CAMTA1: variants seen among roughly 807,000 people sequenced by gnomAD.
CAMTA1 encodes the protein calmodulin-binding transcription activator 1.
In CAMTA1, 27 loss-of-function variants were observed where a neutral mutation model predicts 170.9. The observed-to-expected ratio is 0.16, with a 90% CI of 0.12 to 0.22. The LOEUF is 0.22. Ranked by LOEUF, CAMTA1 falls within the 10% of genes least tolerant of loss-of-function variation. CAMTA1 has a pLI of 1.00. For synonymous variants in CAMTA1, 833 were observed against 891.5 expected (o/e 0.93, Z 1.17); for missense variants, 1,619 against 2,217.2 (o/e 0.73, Z 5.42).
intron 4 of CAMTA1, among the ~76,000 whole-genome samples, chr1:7,175,590 T>C (rs1385823409): frequency 6.6e-6 from 1 of 152,256 alleles, no homozygotes; most frequent in African/African-American, 2.4e-5. Context: ...CGTGGGGGGC[T>C]GCAGGCTGGG....
chr1:6,834,241 T>A (rs1293178464), intron 3 of CAMTA1: 3 of 151,004 alleles, frequency 2.0e-5, no homozygotes, highest in African/African-American at 7.3e-5. Context: ...TTTATAAATT[T>A]AAAAATTTAT....
intron 3 of CAMTA1, among the ~76,000 whole-genome samples, chr1:6,850,355 G>A (rs1239499332): frequency 4.6e-5 from 7 of 152,136 alleles, no homozygotes; most frequent in Non-Finnish European, 8.8e-5. Flanking sequence ...ATATCTAAAT[G>A]ATCTATCAAA....
chr1:7,362,047 G>A (rs1028920231), intron 5 of CAMTA1, among the ~76,000 whole-genome samples: 2 of 152,202 alleles, frequency 1.3e-5, no homozygotes, highest in African/African-American at 4.8e-5. Context: ...CTCTATACTT[G>A]GACAGGGCCA....
intron 5 of CAMTA1, among the ~76,000 whole-genome samples, chr1:7,403,123 TG>T (rs202051514): frequency 6.6e-6 from 1 of 151,892 alleles, no homozygotes; most frequent in Non-Finnish European, 1.5e-5. Context: ...GAGGCCTAGG[TG>T]GGGGGATCAG....
chr1:6,799,125 G>T (rs1386099170), intron 1 of CAMTA1, among the ~76,000 whole-genome samples: 1 of 152,024 alleles, frequency 6.6e-6, no homozygotes. Flanking sequence ...ACCCAGGCTA[G>T]AGTGCCATCA....
At chr1:6,979,431 A>G (rs1694046066) in intron 3 of CAMTA1, among the ~76,000 whole-genome samples, 2 of 152,234 alleles carry the variant, frequency 1.3e-5, no homozygotes, top group African/African-American at 4.8e-5. Flanking sequence ...AACCGTGTGC[A>G]TATGGGGAGG....
At chr1:6,828,327 C>G (rs1355051909) in intron 3 of CAMTA1, among the ~76,000 whole-genome samples, 1 of 119,128 alleles carries the variant, frequency 8.4e-6, no homozygotes, top group East Asian at 2.7e-4. Context: ...GAGTCTCACT[C>G]TTTCACCAGG....
intron 4 of CAMTA1, among the ~76,000 whole-genome samples, chr1:7,142,601 A>G (rs1645952143): frequency 6.6e-6 from 1 of 152,184 alleles, no homozygotes; most frequent in Non-Finnish European, 1.5e-5. Flanking sequence ...GTAATGAGTG[A>G]GTTCTTGCTC....
chr1:7,209,213 T>G (rs1658317621), intron 4 of CAMTA1, among the ~76,000 whole-genome samples: 1 of 152,206 alleles, frequency 6.6e-6, no homozygotes, highest in Admixed American at 6.5e-5. Flanking sequence ...GATTAAGTTT[T>G]TCAACCTGCC....
chr1:7,568,574 CCAT>C (rs1163319149), intron 6 of CAMTA1, among the ~76,000 whole-genome samples: 1 of 150,674 alleles, frequency 6.6e-6, no homozygotes, highest in Non-Finnish European at 1.5e-5. Context: ...CCACCGACAA[CCAT>C]CATCAACATC....
At position 7,455,584 on chromosome 1, in the gene CAMTA1, C is replaced by G. The variant is rs2092931092; in HGVS notation, c.439-12246C>G. 6.6e-6 allele frequency among the ~76,000 whole-genome samples: 1 copy of G among 152,210 alleles called. No homozygotes were observed. Among genetic ancestry groups the G allele is most frequent in the Admixed American group, 6.5e-5 (1 of 15,282 alleles). On this transcript the variant is annotated intron_variant, in intron 5 of 22. Transcript: ENST00000303635. The surrounding 1 kb of genome is among the most constrained non-coding windows in gnomAD (Gnocchi z 5.0). ...GCAAAACCCTGTTGTCCGTTTTAAGCAAGAATCCCTGCCCAGACTCCCTGG... is the reference window on the plus strand; with the variant it reads ...GCAAAACCCTGTTGTCCGTTTTAAGGAAGAATCCCTGCCCAGACTCCCTGG...
intron 6 of CAMTA1, among the ~76,000 whole-genome samples, chr1:7,488,256 G>A (rs570016796): frequency 3.9e-5 from 6 of 152,202 alleles, no homozygotes; most frequent in Non-Finnish European, 5.9e-5. Context: ...ACAGGGGGCT[G>A]GAGCAGCTGT....
rs866901918 is a variant in CAMTA1, at chr1:7,336,009, C to T, written c.438+86383C>T. Among the ~76,000 whole-genome samples, 20 of 152,302 alleles carry T rather than the reference C, an allele frequency of 1.3e-4. No individual in the cohort carries two copies. The South Asian group carries it at 3.5e-3, about 27-fold the overall frequency. ...CCGGCTTTCCTGCCCAAGAAGCAGC[C>T]CTCTCCTGAGCACCTGTGATTTTAT... On this transcript the variant is annotated intron_variant, in intron 5 of 22. Transcript: ENST00000303635.
chr1:7,257,710 A>G (rs1667626091), intron 5 of CAMTA1, among the ~76,000 whole-genome samples: 1 of 97,592 alleles, frequency 1.0e-5, no homozygotes, highest in Non-Finnish European at 2.3e-5. Context: ...CAGATAAACA[A>G]CAGTTTTTTT....
intron 4 of CAMTA1, among the ~76,000 whole-genome samples, chr1:7,162,540 A>G (rs1166424998): frequency 6.6e-6 from 1 of 152,172 alleles, no homozygotes; most frequent in Non-Finnish European, 1.5e-5. Context: ...GACATTTTAT[A>G]TAAAAAGAAT....
In CAMTA1 at chr1:7,536,923, T is replaced by A. The variant is rs115191754; in HGVS notation, c.510+69022T>A. ...GGCTCCTGCCCCCATTGATCTCTCG[T>A]CCCCCTCCCTGCCCACATCTTCCTC... On this transcript the variant is annotated intron_variant, in intron 6 of 22. Transcript: ENST00000303635. Among the ~76,000 whole-genome samples, 811 of 152,076 alleles carry A rather than the reference T, an allele frequency of 5.3e-3. 10 individuals carry two copies. Among genetic ancestry groups the A allele is most frequent in the African/African-American group, 0.019 (774 of 41,498 alleles).
rs2095997276 is a variant in CAMTA1 at position 7,665,935 on chromosome 1, A to G, written c.2652+736A>G. Among the ~76,000 whole-genome samples, 1 of 152,170 alleles carries G rather than the reference A, an allele frequency of 6.6e-6. No homozygotes were observed. Among genetic ancestry groups the G allele is most frequent in the African/African-American group, 2.4e-5 (1 of 41,442 alleles). Reference sequence around the variant, plus strand: ...ATAATCCCAGCACTTTGGGAGGCCAAGGTGGGTGGATCACCTGAGGTCAGG... The same window carrying G: ...ATAATCCCAGCACTTTGGGAGGCCAGGGTGGGTGGATCACCTGAGGTCAGG... On this transcript the variant is annotated intron_variant, in intron 9 of 22. Coordinates refer to ENST00000303635, the MANE Select transcript of CAMTA1 (RefSeq NM_015215.4). The surrounding 1 kb of genome is among the most constrained non-coding windows in gnomAD (Gnocchi z 4.3).
chr1:7,170,787 G>C (rs1157350920), intron 4 of CAMTA1, among the ~76,000 whole-genome samples: 2 of 152,050 alleles, frequency 1.3e-5, no homozygotes, highest in East Asian at 3.9e-4. Context: ...TTTTTTCTGG[G>C]ATCTTTTTGT....
At chr1:7,579,016 C>T (rs535223261) in intron 6 of CAMTA1, among the ~76,000 whole-genome samples, 14 of 152,348 alleles carry the variant, frequency 9.2e-5, no homozygotes, top group South Asian at 4.1e-4. Flanking sequence ...ACAGCCTCCC[C>T]GCTTTACTGA....
Sources: gnomAD v4.1 joint callset for allele counts (sites outside exome capture counted in the v4.1 genomes callset) on GRCh38, gnomAD v4.1.1 for gene constraint, Gnocchi (gnomAD v3.1) non-coding constraint, MANE v1.5 for transcripts, NCBI Gene and HGNC (gene_info 2026-07-23, HGNC 2026-07-21) for gene names.